QTMAN: variants seen among roughly 807,000 people sequenced by gnomAD.
QTMAN encodes tRNA-queuosine alpha-mannosyltransferase.
chr2:144,187,416 A>C, the QTMAN span, among the ~76,000 whole-genome samples: 8 of 152,180 alleles, frequency 5.3e-5, no homozygotes, highest in African/African-American at 1.9e-4. Flanking sequence ...CGAGAGCCAG[A>C]ACTCACTTAC....
At chr2:144,257,557 C>G in the QTMAN span, among the ~76,000 whole-genome samples, 489 of 152,278 alleles carry the variant, frequency 3.2e-3, 15 homozygotes, top group Admixed American at 0.03. Context: ...GCACAGTGAC[C>G]TTTACAGTAC....
chr2:144,277,407 G>T, the QTMAN span, among the ~76,000 whole-genome samples: 1 of 151,940 alleles, frequency 6.6e-6, no homozygotes, highest in East Asian at 1.9e-4. Flanking sequence ...CAAAATTTTT[G>T]CATGGGTCTA....
chr2:144,168,667 T>G, the QTMAN span, among the ~76,000 whole-genome samples: 4 of 152,162 alleles, frequency 2.6e-5, no homozygotes, highest in Non-Finnish European at 5.9e-5. Context: ...AAAAGGTTAT[T>G]AGTATTTACC....
At chr2:143,950,598 CAG>C in the QTMAN span, among the ~76,000 whole-genome samples, 1 of 151,618 alleles carries the variant, frequency 6.6e-6, no homozygotes, top group South Asian at 2.1e-4. Context: ...AATAATCTGA[CAG>C]AGAACTCACT....
At chr2:143,985,194 G>C in the QTMAN span, among the ~76,000 whole-genome samples, 2 of 152,236 alleles carry the variant, frequency 1.3e-5, no homozygotes, top group Admixed American at 6.5e-5. Context: ...GCAACCGGCT[G>C]GTTCCAGTGT....
At chr2:144,058,610 TA>T in the QTMAN span, among the ~76,000 whole-genome samples, 1 of 152,206 alleles carries the variant, frequency 6.6e-6, no homozygotes, top group Non-Finnish European at 1.5e-5. Context: ...GTATCAAGTT[TA>T]AAATCTTTAT....
chr2:144,118,673 C>T, the QTMAN span, among the ~76,000 whole-genome samples: 2 of 151,942 alleles, frequency 1.3e-5, no homozygotes, highest in Admixed American at 6.6e-5. Context: ...CACGAGGTCA[C>T]GAGATCAAGA....
the QTMAN span, among the ~76,000 whole-genome samples, chr2:144,144,629 T>C: frequency 6.6e-6 from 1 of 152,092 alleles, no homozygotes; most frequent in Admixed American, 6.6e-5. Flanking sequence ...GCAGTTGCAC[T>C]CTATTTTGAT....
the QTMAN span, among the ~76,000 whole-genome samples, chr2:144,142,608 T>TC: frequency 6.6e-6 from 1 of 151,982 alleles, no homozygotes; most frequent in African/African-American, 2.4e-5. Context: ...GAAACTGTGT[T>TC]AAGTTTTTAA....
At chr2:144,015,974 T>C in the QTMAN span, among the ~76,000 whole-genome samples, 8 of 152,210 alleles carry the variant, frequency 5.3e-5, no homozygotes, top group African/African-American at 1.9e-4. Context: ...TGACGTGTAG[T>C]AGGAGCTGAC....
At chr2:144,262,079 T>TC in the QTMAN span, among the ~76,000 whole-genome samples, 1 of 152,150 alleles carries the variant, frequency 6.6e-6, no homozygotes, top group African/African-American at 2.4e-5. Context: ...ATAATATGGC[T>TC]CTTCTCCCAC....
the QTMAN span, among the ~76,000 whole-genome samples, chr2:143,971,735 T>C: frequency 6.6e-6 from 1 of 152,004 alleles, no homozygotes; most frequent in African/African-American, 2.4e-5. Flanking sequence ...TTTTACATTA[T>C]GAAAAAATAG....
At chr2:144,325,891 A>G in the QTMAN span, among the ~76,000 whole-genome samples, 1 of 152,350 alleles carries the variant, frequency 6.6e-6, no homozygotes, top group African/African-American at 2.4e-5. Flanking sequence ...TGTTACAGAC[A>G]TGGTAATTTG....
At chr2:144,287,692 C>A in the QTMAN span, among the ~76,000 whole-genome samples, 1 of 152,090 alleles carries the variant, frequency 6.6e-6, no homozygotes. Context: ...CAGGGTCACA[C>A]AGGATAGAAG....
chr2:144,091,274 T>G, the QTMAN span, among the ~76,000 whole-genome samples: 1 of 152,060 alleles, frequency 6.6e-6, no homozygotes, highest in Non-Finnish European at 1.5e-5. Context: ...TAAATCTAAA[T>G]GTAAAACCTA....
chr2:144,060,731 T>C, the QTMAN span, among the ~76,000 whole-genome samples: 3 of 152,192 alleles, frequency 2.0e-5, no homozygotes, highest in African/African-American at 7.2e-5. Flanking sequence ...CATGGAGAAA[T>C]TGTATGACTT....
At chr2:144,095,931 G>A in the QTMAN span, among the ~76,000 whole-genome samples, 2 of 152,066 alleles carry the variant, frequency 1.3e-5, no homozygotes, top group East Asian at 3.9e-4. Context: ...TGTGGTAGAA[G>A]TACTTGGAAT....
chr2:143,970,160 C>T, the QTMAN span, among the ~76,000 whole-genome samples: 3 of 152,146 alleles, frequency 2.0e-5, no homozygotes, highest in Admixed American at 1.3e-4. Flanking sequence ...CGATTTTTGT[C>T]TTTCTCAAGT....
chr2:144,242,374 T>C, the QTMAN span, among the ~76,000 whole-genome samples: 1 of 152,104 alleles, frequency 6.6e-6, no homozygotes, highest in Non-Finnish European at 1.5e-5. Context: ...ATCCACTCTT[T>C]ACTGTTTCCA....
Sources: gnomAD v4.1 joint callset for allele counts (sites outside exome capture counted in the v4.1 genomes callset) on GRCh38, gnomAD v4.1.1 for gene constraint, MANE v1.5 for transcripts, NCBI Gene and HGNC (gene_info 2026-07-23, HGNC 2026-07-21) for gene names.